The following COX16 variants were observed in gnomAD, a reference collection of about 807,000 sequenced individuals.
COX16 encodes the protein cytochrome c oxidase assembly protein COX16 homolog, mitochondrial.
In COX16, 12 loss-of-function variants were observed where a neutral mutation model predicts 15.4. The ratio of observed to expected loss-of-function variants is 0.78; its 90% CI spans 0.50 to 1.26. The LOEUF (loss-of-function observed/expected upper bound fraction) is 1.26. Among genes scored for constraint, COX16 ranks in the 50% most tolerant of loss-of-function variants. The pLI is 0.00. For missense variants in COX16, 124 were observed against 127.6 expected (o/e 0.97, Z 0.14); for synonymous variants, 46 against 41.1 (o/e 1.12, Z -0.46).
At chr14:70,328,072 A>ATTTGTTTT (rs1886142974) in intron 3 of COX16, 1 of 80,840 alleles carries the variant, frequency 1.2e-5, no homozygotes, top group Non-Finnish European at 2.2e-5. Context: ...TGAGAATAAG[A>ATTTGTTTT]TTTTTTTTTT....
At chr14:70,336,588 T>C (rs1886463959) in intron 2 of COX16, among the ~76,000 whole-genome samples, 2 of 152,222 alleles carry the variant, frequency 1.3e-5, no homozygotes, top group Admixed American at 1.3e-4. Context: ...AAACCTACAA[T>C]ACAAGTTAAC....
At chr14:70,354,797 G>A (rs976849009) in intron 1 of COX16, among the ~76,000 whole-genome samples, 3 of 151,654 alleles carry the variant, frequency 2.0e-5, no homozygotes, top group Non-Finnish European at 4.4e-5. Context: ...GGTGTAGGAA[G>A]TTAGGGGAGT....
chr14:70,350,579 T>G (rs1176931264), intron 1 of COX16, among the ~76,000 whole-genome samples: 1 of 152,206 alleles, frequency 6.6e-6, no homozygotes, highest in Non-Finnish European at 1.5e-5. Flanking sequence ...AGAAAACATA[T>G]TTACAATACT....
At chr14:70,347,038 GA>G (rs2140732976) in intron 1 of COX16, among the ~76,000 whole-genome samples, 1 of 152,002 alleles carries the variant, frequency 6.6e-6, no homozygotes, top group African/African-American at 2.4e-5. Flanking sequence ...CCGCTGTTTA[GA>G]ATATTTCCAC....
rs930044928 is a variant in COX16, at chr14:70,325,870, A to T, written c.*463T>A. On this transcript the variant is annotated 3_prime_UTR_variant, in exon 4 of 4. Transcript: ENST00000389912. ...AAATCAAGACTCTTAGCAGACTGTG[A>T]TCATTTTTCTTTCCCTAATAGATAT... 6.6e-6 allele frequency: 1 copy of T among 152,310 alleles called. No individual in the cohort carries two copies. Among genetic ancestry groups the T allele is most frequent in the Non-Finnish European group, 1.5e-5 (1 of 68,126 alleles). The allele number at this position is 152,310 out of a possible 1,614,324, so 9.4% of individuals were successfully genotyped here.
intron 2 of COX16, among the ~76,000 whole-genome samples, chr14:70,339,055 A>T (rs1410157872): frequency 6.6e-6 from 1 of 152,234 alleles, no homozygotes; most frequent in Admixed American, 6.5e-5. Context: ...ATCTAATCTT[A>T]GAAAACACGG....
At chr14:70,331,572 T>A (rs8016418) in intron 2 of COX16, among the ~76,000 whole-genome samples, 41,911 of 152,150 alleles carry the variant, frequency 0.28, 7,375 homozygotes, top group Admixed American at 0.39. Flanking sequence ...ATTCACCTCA[T>A]AATTGGATAG....
chr14:70,341,652 G>A lies in COX16; in HGVS notation c.141+1006C>T, dbSNP rs575345641. ...TTTTTTCAAGTAAAGACCCACTATA[G>A]TTAATGTATAGACCCCCTCAGTTTC... is the stretch of plus-strand genomic sequence containing the variant. On this transcript the variant is annotated intron_variant, in intron 2 of 3. Coordinates refer to ENST00000389912, the MANE Select transcript of COX16 (RefSeq NM_016468.7). Among the ~76,000 whole-genome samples the A allele has an allele frequency of 7.9e-5, 12 of 152,274 alleles. No homozygotes were observed. In the South Asian group the frequency reaches 2.5e-3, roughly 32 times the overall value.
intron 2 of COX16, among the ~76,000 whole-genome samples, chr14:70,330,008 A>C (rs1307712317): frequency 6.6e-6 from 1 of 152,172 alleles, no homozygotes; most frequent in Non-Finnish European, 1.5e-5. Context: ...TTCCAGAATT[A>C]GAAAATAAAG....
At chr14:70,327,666 TAAAG>T (rs890743756) in intron 3 of COX16, among the ~76,000 whole-genome samples, 3 of 152,274 alleles carry the variant, frequency 2.0e-5, no homozygotes, top group South Asian at 2.1e-4. Flanking sequence ...AAGATTTTAA[TAAAG>T]AATAATGGCC....
intron 1 of COX16, among the ~76,000 whole-genome samples, chr14:70,358,986 A>G (rs551715287): frequency 7.2e-5 from 11 of 152,198 alleles, no homozygotes; most frequent in Non-Finnish European, 1.3e-4. Context: ...CTTTATTCAC[A>G]AGGTGTTATT....
intron 1 of COX16, among the ~76,000 whole-genome samples, chr14:70,345,259 C>T (rs763991972): frequency 3.3e-5 from 5 of 152,198 alleles, no homozygotes; most frequent in African/African-American, 1.2e-4. Context: ...TTCTCTGGTC[C>T]GAATATCCAG....
chr14:70,350,560 C>T (rs994697967), intron 1 of COX16, among the ~76,000 whole-genome samples: 2 of 152,174 alleles, frequency 1.3e-5, no homozygotes, highest in Non-Finnish European at 2.9e-5. Context: ...GTTATCTTCT[C>T]CTATGCAAAG....
intron 1 of COX16, among the ~76,000 whole-genome samples, chr14:70,350,431 T>C (rs1886918935): frequency 6.6e-6 from 1 of 152,036 alleles, no homozygotes; most frequent in African/African-American, 2.4e-5. Context: ...CCATACCGCC[T>C]CAGTGTTGTA....
intron 1 of COX16, among the ~76,000 whole-genome samples, chr14:70,349,965 G>A (rs1392858450): frequency 6.6e-6 from 1 of 152,142 alleles, no homozygotes; most frequent in East Asian, 1.9e-4. Flanking sequence ...ACACCAGCCC[G>A]TCTCTCAAGA....
chr14:70,335,270 C>T (rs1886415486), intron 2 of COX16, among the ~76,000 whole-genome samples: 1 of 152,168 alleles, frequency 6.6e-6, no homozygotes, highest in Non-Finnish European at 1.5e-5. Context: ...CAACAACCTA[C>T]TTTTGGCAAT....
intron 2 of COX16, among the ~76,000 whole-genome samples, chr14:70,337,042 T>G (rs952427741): frequency 1.3e-5 from 2 of 152,142 alleles, no homozygotes; most frequent in East Asian, 3.9e-4. Flanking sequence ...GGTAAACCCA[T>G]AGGATAAGAA....
chr14:70,339,074 T>A (rs1263469793), intron 2 of COX16, among the ~76,000 whole-genome samples: 3 of 152,230 alleles, frequency 2.0e-5, no homozygotes, highest in African/African-American at 7.2e-5. Context: ...GGTCACAATA[T>A]TTATAATGTT....
At chr14:70,346,325 CA>C (rs367609971) in intron 1 of COX16, among the ~76,000 whole-genome samples, 1 of 152,314 alleles carries the variant, frequency 6.6e-6, no homozygotes, top group African/African-American at 2.4e-5. Context: ...CCTCCGCCAT[CA>C]GGGGCCCTGC....
Sources: gnomAD v4.1 joint callset for allele counts (sites outside exome capture counted in the v4.1 genomes callset) on GRCh38, gnomAD v4.1.1 for gene constraint, MANE v1.5 for transcripts, NCBI Gene and HGNC (gene_info 2026-07-23, HGNC 2026-07-21) for gene names.